The following CACNA2D3 variants were observed in gnomAD, a reference collection of about 807,000 sequenced individuals.
CACNA2D3 encodes voltage-dependent calcium channel subunit alpha-2/delta-3.
A neutral mutation model predicts 160.6 loss-of-function variants in CACNA2D3; 60 were observed. That is an observed-to-expected ratio of 0.37 (90% confidence interval 0.30 to 0.46). The LOEUF (loss-of-function observed/expected upper bound fraction) is 0.46. Among genes scored for constraint, CACNA2D3 ranks in the 20% least tolerant of loss-of-function variants. The probability of loss-of-function intolerance (pLI) is 1.00; values close to 1 mark genes in which losing one functional copy is unlikely to be tolerated. For synonymous variants in CACNA2D3, 558 were observed against 492.9 expected (o/e 1.13, Z -1.75); for missense variants, 1,205 against 1,365.0 (o/e 0.88, Z 1.85).
intron 27 of CACNA2D3, among the ~76,000 whole-genome samples, chr3:54,921,584 T>C (rs1185198113): frequency 6.6e-6 from 1 of 152,158 alleles, no homozygotes; most frequent in African/African-American, 2.4e-5. Flanking sequence ...TTTGAGGCCA[T>C]GTGATTGAAT....
At chr3:54,312,455 T>G (rs1317061037) in intron 2 of CACNA2D3, among the ~76,000 whole-genome samples, 4 of 152,166 alleles carry the variant, frequency 2.6e-5, no homozygotes, top group Admixed American at 1.3e-4. Context: ...TTAATTCTGA[T>G]TGGCCAGAAG....
chr3:54,764,229 C>G lies in CACNA2D3; in HGVS notation c.1258C>G (p.Gln420Glu), dbSNP rs780040963. Residue 420 changes from glutamine (Q) to glutamate (E), a missense_variant, in exon 13 of 38, where the codon CAG becomes GAG. Coordinates refer to ENST00000474759, the MANE Select transcript of CACNA2D3 (RefSeq NM_018398.3). Reference protein sequence around the residue: ...MACANKGFFTQISTLADVQEN... With the variant: ...MACANKGFFTEISTLADVQEN... ...TTGGGTTTTGACAGGATTTTTTACC[C>G]AGATCTCCACCTTGGCTGATGTGCA... 6 of 1,613,028 alleles carry G rather than the reference C, an allele frequency of 3.7e-6. No individual in the cohort carries two copies. In the African/African-American group the frequency reaches 6.7e-5, roughly 18 times the overall value.
At chr3:54,660,385 C>T (rs1013604936) in intron 11 of CACNA2D3, among the ~76,000 whole-genome samples, 2 of 152,116 alleles carry the variant, frequency 1.3e-5, no homozygotes, top group African/African-American at 4.8e-5. Context: ...TGGTCTCGAT[C>T]TCCTGACCTT....
At chr3:54,205,255 ATT>A (rs991204727) in intron 2 of CACNA2D3, among the ~76,000 whole-genome samples, 1 of 151,864 alleles carries the variant, frequency 6.6e-6, no homozygotes, top group African/African-American at 2.4e-5. Context: ...GGGGGATGGG[ATT>A]TTTTTTGTTT....
chr3:55,069,970 C>T (rs1402356804), intron 35 of CACNA2D3, among the ~76,000 whole-genome samples: 1 of 151,542 alleles, frequency 6.6e-6, no homozygotes, highest in African/African-American at 2.4e-5. Flanking sequence ...AGCTTTTAAA[C>T]CAGAGTTTGA....
chr3:54,822,759 T>C (rs186433457), intron 14 of CACNA2D3, among the ~76,000 whole-genome samples: 1,569 of 85,188 alleles, frequency 0.018, 59 homozygotes, highest in African/African-American at 0.063. Flanking sequence ...TCTTTCTTTC[T>C]TTCTTTCTTT....
At chr3:54,415,139 A>G (rs1020447392) in intron 4 of CACNA2D3, among the ~76,000 whole-genome samples, 3 of 152,144 alleles carry the variant, frequency 2.0e-5, no homozygotes, top group Non-Finnish European at 2.9e-5. Context: ...GTACATTTCC[A>G]TAAAACTTAG....
At chr3:54,868,293 G>GT (rs1699448915) in intron 17 of CACNA2D3, among the ~76,000 whole-genome samples, 1 of 152,004 alleles carries the variant, frequency 6.6e-6, no homozygotes, top group Non-Finnish European at 1.5e-5. Flanking sequence ...CCCATTTTAC[G>GT]TACCTGGCTA....
At position 54,305,890 on chromosome 3, in the gene CACNA2D3, C is replaced by A. The variant is rs530332806; in HGVS notation, c.205-14552C>A. On this transcript the variant is annotated intron_variant, in intron 2 of 37. Transcript: ENST00000474759. ...ATCAACAGAAATCACAGATCGTTTC[C>A]TGTGATGTCATGGTTGATGTGGATA... 2.6e-5 allele frequency among the ~76,000 whole-genome samples: 4 copies of A among 152,336 alleles called. No individual in the cohort carries two copies. In the South Asian group the frequency reaches 8.3e-4, roughly 32 times the overall value.
intron 2 of CACNA2D3, among the ~76,000 whole-genome samples, chr3:54,287,745 T>G: frequency 6.8e-6 from 1 of 146,118 alleles, no homozygotes; most frequent in Non-Finnish European, 1.5e-5. Flanking sequence ...CACAGTGCAA[T>G]GAAACTAGAA....
chr3:54,457,498 T>C (rs889820764), intron 4 of CACNA2D3, among the ~76,000 whole-genome samples: 2 of 152,086 alleles, frequency 1.3e-5, no homozygotes, highest in Non-Finnish European at 2.9e-5. Flanking sequence ...CTGGAGAATG[T>C]CACGTGTGCT....
intron 8 of CACNA2D3, among the ~76,000 whole-genome samples, chr3:54,574,847 A>AT (rs1444246373): frequency 1.3e-5 from 2 of 152,236 alleles, no homozygotes; most frequent in African/African-American, 4.8e-5. Context: ...TGCAGCCCAT[A>AT]TTTGTGCAGA....
intron 3 of CACNA2D3, among the ~76,000 whole-genome samples, chr3:54,366,036 G>A (rs558711207): frequency 1.2e-3 from 188 of 152,298 alleles, no homozygotes; most frequent in African/African-American, 4.4e-3. Context: ...TAGAAGGAGG[G>A]AAGGGTCTGT....
intron 2 of CACNA2D3, among the ~76,000 whole-genome samples, chr3:54,226,358 TG>T (rs2107385207): frequency 7.2e-6 from 1 of 138,292 alleles, no homozygotes; most frequent in Non-Finnish European, 1.5e-5. Flanking sequence ...TCACCCAGGC[TG>T]GAATGCAGTG....
intron 35 of CACNA2D3, among the ~76,000 whole-genome samples, chr3:55,054,057 T>A (rs1704301719): frequency 9.9e-6 from 1 of 100,562 alleles, no homozygotes; most frequent in Non-Finnish European, 2.3e-5. Flanking sequence ...ACTTTTAAGC[T>A]TTTTTTTGTA....
At chr3:54,407,123 G>A (rs541218640) in intron 4 of CACNA2D3, among the ~76,000 whole-genome samples, 3 of 151,974 alleles carry the variant, frequency 2.0e-5, no homozygotes, top group African/African-American at 4.8e-5. Flanking sequence ...CTCACTGGGG[G>A]TTTTCCTGAG....
intron 9 of CACNA2D3, among the ~76,000 whole-genome samples, chr3:54,596,659 T>C (rs1184429752): frequency 6.6e-6 from 1 of 152,040 alleles, no homozygotes; most frequent in Non-Finnish European, 1.5e-5. Flanking sequence ...ACCCCTGGTC[T>C]CCACCAGCTT....
chr3:54,848,307 A>G (rs1698978921), intron 17 of CACNA2D3, among the ~76,000 whole-genome samples: 1 of 152,242 alleles, frequency 6.6e-6, no homozygotes, highest in Non-Finnish European at 1.5e-5. Flanking sequence ...GAGTACAGAT[A>G]CTTGTAAACA....
At chr3:54,918,008 C>T (rs995818111) in intron 27 of CACNA2D3, among the ~76,000 whole-genome samples, 2 of 152,168 alleles carry the variant, frequency 1.3e-5, no homozygotes, top group Non-Finnish European at 2.9e-5. Flanking sequence ...GCATTCAATG[C>T]CCATCGGGTA....
Sources: gnomAD v4.1 joint callset for allele counts (sites outside exome capture counted in the v4.1 genomes callset) on GRCh38, gnomAD v4.1.1 for gene constraint, MANE v1.5 for transcripts, NCBI Gene and HGNC (gene_info 2026-07-23, HGNC 2026-07-21) for gene names.